Variants in OCA2 observed in about 807,000 individuals in gnomAD.
OCA2 encodes OCA2 melanosomal transmembrane protein, also known as P protein.
OCA2 carries 77 observed loss-of-function variants against 100.2 expected under a neutral mutation model. The observed-to-expected ratio is 0.77, with a 90% confidence interval of 0.64 to 0.93. The LOEUF (loss-of-function observed/expected upper bound fraction) is 0.93, where lower values mean the gene tolerates loss of function less well. OCA2 is among the 40% of genes least tolerant of loss of function. The pLI, the probability that OCA2 is intolerant of heterozygous loss-of-function variation, is 0.00. For missense variants in OCA2, 1,062 were observed against 1,089.1 expected (o/e 0.98, Z 0.35); for synonymous variants, 432 against 439.2 (o/e 0.98, Z 0.21).
rs574384434 is a variant in OCA2 at position 28,083,990 on chromosome 15, G to A, written c.-21-2095C>T. The stretch of plus-strand genomic sequence containing the variant: ...GTATGTGCCCTCCAACAAACTCAGA[G>A]GCTGAAACCCTGCCCTGTAATGGGA... On this transcript the variant is annotated intron_variant, in intron 1 of 23. Coordinates refer to ENST00000354638, the MANE Select transcript of OCA2 (RefSeq NM_000275.3). Among the ~76,000 whole-genome samples the A allele has an allele frequency of 3.9e-5, 6 of 152,342 alleles. No individual in the cohort carries two copies. In the East Asian group the frequency reaches 1.2e-3, roughly 29 times the overall value.
chr15:28,080,208 C>T (rs983466775), intron 2 of OCA2, among the ~76,000 whole-genome samples: 16 of 152,150 alleles, frequency 1.1e-4, no homozygotes, highest in Admixed American at 8.5e-4. Flanking sequence ...GCAAGCTCCT[C>T]GCTGGGAGAA....
At chr15:27,867,031 G>T (rs1025024945) in intron 21 of OCA2, among the ~76,000 whole-genome samples, 3 of 152,240 alleles carry the variant, frequency 2.0e-5, no homozygotes, top group African/African-American at 7.2e-5. Context: ...AAAGCTGGGG[G>T]CTTGTGGGCA....
chr15:27,990,487 A>C (rs913481265), intron 10 of OCA2, 89 bp downstream of exon 10: 4 of 1,351,562 alleles, frequency 3.0e-6, no homozygotes, highest in Non-Finnish European at 4.2e-6. Flanking sequence ...AAAATAGTGA[A>C]AAAACCAGCG....
At chr15:27,783,099 A>G (rs1361945103) in intron 23 of OCA2, among the ~76,000 whole-genome samples, 1 of 152,236 alleles carries the variant, frequency 6.6e-6, no homozygotes, top group Admixed American at 6.5e-5. Context: ...GCCCATTGTG[A>G]TAATCTATGA....
intron 23 of OCA2, among the ~76,000 whole-genome samples, chr15:27,805,178 G>T (rs931354510): frequency 1.3e-4 from 20 of 152,252 alleles, no homozygotes; most frequent in African/African-American, 4.6e-4. Flanking sequence ...AGAGCGCCCA[G>T]CGCAGGAGCT....
At chr15:27,933,643 T>G (rs114672096) in intron 18 of OCA2, among the ~76,000 whole-genome samples, 9,982 of 152,164 alleles carry the variant, frequency 0.066, 1,075 homozygotes, top group African/African-American at 0.22. Flanking sequence ...AGGGGGTTTT[T>G]CTCTTGCAGG....
intron 14 of OCA2, among the ~76,000 whole-genome samples, chr15:27,974,460 C>T (rs753368991): frequency 2.0e-5 from 3 of 152,142 alleles, no homozygotes; most frequent in Non-Finnish European, 4.4e-5. Flanking sequence ...TATCTCCAAA[C>T]TACTGTGAAA....
intron 19 of OCA2, 124 bp from the exon 20 acceptor site, chr15:27,872,046 A>C (rs2036600862): frequency 1.4e-6 from 1 of 732,842 alleles, no homozygotes; most frequent in East Asian, 2.6e-5. Context: ...GCTTCTTATA[A>C]AAGATCAGAC....
intron 23 of OCA2, among the ~76,000 whole-genome samples, chr15:27,828,085 T>G (rs1310766308): frequency 6.6e-6 from 1 of 152,030 alleles, no homozygotes; most frequent in African/African-American, 2.4e-5. Context: ...TGAGTACAGG[T>G]GAAGTGAGGT....
At chr15:27,795,146 C>T (rs190813258) in intron 23 of OCA2, among the ~76,000 whole-genome samples, 57 of 152,244 alleles carry the variant, frequency 3.7e-4, no homozygotes, top group Non-Finnish European at 1.8e-4. Flanking sequence ...AATACTGGTG[C>T]CCAGGAAAAC....
At chr15:28,080,293 C>T (rs72714111) in intron 2 of OCA2, among the ~76,000 whole-genome samples, 9,240 of 152,320 alleles carry the variant, frequency 0.061, 329 homozygotes, top group Middle Eastern at 0.099. Flanking sequence ...CAGACACATT[C>T]AGTGTATAAC....
intron 2 of OCA2, among the ~76,000 whole-genome samples, chr15:28,048,349 T>C (rs1230793897): frequency 6.6e-6 from 1 of 152,162 alleles, no homozygotes; most frequent in African/African-American, 2.4e-5. Flanking sequence ...CAAAACTTAC[T>C]ACAATGGAAT....
intron 11 of OCA2, 52 bp downstream of exon 11, chr15:27,989,549 G>T: frequency 2.7e-6 from 4 of 1,483,736 alleles, no homozygotes; most frequent in East Asian, 4.5e-5. Context: ...GCCAGAGAAG[G>T]CCCGGTTACC....
At position 27,987,535 on chromosome 15, in the gene OCA2, T is replaced by C. The variant is rs1287635528; in HGVS notation, c.1183-892A>G. Reference sequence around the variant, plus strand: ...GAGATCGAGACCCTCCTGGCTAACATGGTGAAACCCCATCTCTACTAAAAA... The same window carrying C: ...GAGATCGAGACCCTCCTGGCTAACACGGTGAAACCCCATCTCTACTAAAAA... On this transcript the variant is annotated intron_variant, in intron 11 of 23. Coordinates refer to ENST00000354638, the MANE Select transcript of OCA2 (RefSeq NM_000275.3). Among the ~76,000 whole-genome samples the C allele has an allele frequency of 9.5e-5, 14 of 147,054 alleles. No homozygotes were observed. The South Asian group carries it at 1.5e-3, about 16-fold the overall frequency.
the OCA2 span, among the ~76,000 whole-genome samples, chr15:27,732,966 C>A: frequency 6.6e-6 from 1 of 152,130 alleles, no homozygotes; most frequent in African/African-American, 2.4e-5. Context: ...CAGAAAATTG[C>A]GGCAAAGGAT....
chr15:27,806,787 C>A (rs560844736), intron 23 of OCA2, among the ~76,000 whole-genome samples: 2 of 152,226 alleles, frequency 1.3e-5, no homozygotes, highest in Non-Finnish European at 2.9e-5. Context: ...GCCCAGACTG[C>A]GGAGAGGACC....
At chr15:27,793,835 T>G (rs1223099061) in intron 23 of OCA2, among the ~76,000 whole-genome samples, 1 of 152,202 alleles carries the variant, frequency 6.6e-6, no homozygotes, top group Non-Finnish European at 1.5e-5. Context: ...TGCTGGCTTG[T>G]GTTGCCAGGG....
chr15:27,779,474 T>C (rs1182073286), intron 23 of OCA2, among the ~76,000 whole-genome samples: 4 of 152,240 alleles, frequency 2.6e-5, no homozygotes, highest in Admixed American at 6.5e-5. Context: ...ATAATTGTTA[T>C]ATATTTTGGG....
At chr15:27,818,640 G>A (rs2151258868) in intron 23 of OCA2, among the ~76,000 whole-genome samples, 1 of 152,264 alleles carries the variant, frequency 6.6e-6, no homozygotes, top group South Asian at 2.1e-4. Flanking sequence ...CAGGTGTGAG[G>A]ATGCAGCTGG....
Sources: gnomAD v4.1 joint callset for allele counts (sites outside exome capture counted in the v4.1 genomes callset) on GRCh38, gnomAD v4.1.1 for gene constraint, MANE v1.5 for transcripts, NCBI Gene and HGNC (gene_info 2026-07-23, HGNC 2026-07-21) for gene names.